The following AFF3 variants were observed in gnomAD, a reference collection of about 807,000 sequenced individuals.
AFF3 encodes the protein ALF transcription elongation factor 3, also known as AF4/FMR2 family member 3.
In AFF3, 32 loss-of-function variants were observed where a neutral mutation model predicts 129.7. The observed-to-expected ratio is 0.25, with a 90% CI of 0.19 to 0.33. The LOEUF is 0.33. AFF3 is among the 10% of genes least tolerant of loss of function. The pLI is 1.00. For missense variants in AFF3, 1,373 were observed against 1,592.0 expected, an observed-to-expected ratio of 0.86 and a Z score of 2.34; for synonymous variants, 644 against 635.4, an observed-to-expected ratio of 1.01 and a Z score of -0.20.
chr2:100,026,300 C>CTCAA (rs1684036213), intron 4 of AFF3, among the ~76,000 whole-genome samples: 1 of 152,072 alleles, frequency 6.6e-6, no homozygotes, highest in Non-Finnish European at 1.5e-5. Context: ...TGAAAAAATG[C>CTCAA]TCAACATCAC....
At chr2:99,647,220 G>A (rs1259095053) in intron 13 of AFF3, among the ~76,000 whole-genome samples, 6 of 152,160 alleles carry the variant, frequency 3.9e-5, no homozygotes, top group Non-Finnish European at 8.8e-5. Context: ...CTGCAGCACT[G>A]TTCACAGTAG....
At chr2:100,036,211 A>G (rs1684897083) in intron 4 of AFF3, among the ~76,000 whole-genome samples, 1 of 146,842 alleles carries the variant, frequency 6.8e-6, no homozygotes, top group African/African-American at 2.5e-5. Flanking sequence ...GAATTTCCCC[A>G]CTAACACAAT....
chr2:99,635,038 C>G (rs1235426552), intron 13 of AFF3, among the ~76,000 whole-genome samples: 1 of 150,326 alleles, frequency 6.7e-6, no homozygotes, highest in South Asian at 2.1e-4. Flanking sequence ...TGATATATAT[C>G]TCTATGTACG....
chr2:99,834,249 T>A (rs536487396), intron 8 of AFF3, among the ~76,000 whole-genome samples: 2 of 152,316 alleles, frequency 1.3e-5, no homozygotes, highest in South Asian at 4.1e-4. Context: ...TTCATTAGAA[T>A]CCCAGCTCTA....
At chr2:99,917,497 G>C (rs1159534975) in intron 7 of AFF3, among the ~76,000 whole-genome samples, 1 of 152,168 alleles carries the variant, frequency 6.6e-6, no homozygotes, top group Non-Finnish European at 1.5e-5. Flanking sequence ...TTCTGCCCTT[G>C]CTTCCTGTGT....
intron 4 of AFF3, among the ~76,000 whole-genome samples, chr2:100,083,198 C>G (rs1689155578): frequency 6.6e-6 from 1 of 152,260 alleles, no homozygotes; most frequent in South Asian, 2.1e-4. Context: ...TTATTTTAAG[C>G]AAAGAACAAC....
intron 24 of AFF3, among the ~76,000 whole-genome samples, chr2:99,552,368 C>T (rs537961174): frequency 6.6e-6 from 1 of 152,240 alleles, no homozygotes; most frequent in African/African-American, 2.4e-5. Flanking sequence ...CCAGCCTGGG[C>T]CACAGAGCAA....
chr2:99,732,347 CAAAAA>C (rs35379808), intron 10 of AFF3, among the ~76,000 whole-genome samples: 5 of 74,890 alleles, frequency 6.7e-5, no homozygotes, highest in African/African-American at 2.0e-4. Context: ...GACTCTGTCT[CAAAAA>C]AAAAAAAAAA....
intron 4 of AFF3, among the ~76,000 whole-genome samples, chr2:100,071,725 G>A (rs577050444): frequency 7.2e-4 from 110 of 152,232 alleles, no homozygotes; most frequent in African/African-American, 2.5e-3. Flanking sequence ...GAGCAAAACC[G>A]TAAATACCAA....
chr2:100,075,561 T>C (rs1193287193), intron 4 of AFF3, among the ~76,000 whole-genome samples: 2 of 152,100 alleles, frequency 1.3e-5, no homozygotes, highest in East Asian at 3.9e-4. Flanking sequence ...TTATATTTCC[T>C]AGAAACTGTC....
chr2:100,040,069 A>G (rs931393042), intron 4 of AFF3, among the ~76,000 whole-genome samples: 2 of 152,222 alleles, frequency 1.3e-5, no homozygotes, highest in African/African-American at 4.8e-5. Context: ...TGCAAAACCC[A>G]GTAACAGCAT....
intron 7 of AFF3, among the ~76,000 whole-genome samples, chr2:99,956,224 G>T (rs1255378356): frequency 1.3e-5 from 2 of 151,750 alleles, no homozygotes; most frequent in African/African-American, 4.8e-5. Context: ...ATTAAATTAA[G>T]GAAAGAACCA....
intron 4 of AFF3, among the ~76,000 whole-genome samples, chr2:100,093,177 G>A (rs1185837633): frequency 2.6e-5 from 4 of 151,148 alleles, no homozygotes; most frequent in Admixed American, 2.6e-4. Context: ...TGCAATCATG[G>A]CTCATTGCAG....
intron 7 of AFF3, among the ~76,000 whole-genome samples, chr2:99,929,771 G>A (rs1191147923): frequency 6.6e-6 from 1 of 152,124 alleles, no homozygotes; most frequent in Non-Finnish European, 1.5e-5. Context: ...ACAACCAAAA[G>A]AGCTTTAAAA....
At chr2:99,701,183 A>C (rs1676824710) in intron 11 of AFF3, among the ~76,000 whole-genome samples, 3 of 152,182 alleles carry the variant, frequency 2.0e-5, no homozygotes, top group Non-Finnish European at 4.4e-5. Flanking sequence ...AGGTGGCGGC[A>C]GGATAGACTG....
chr2:100,110,326 T>C (rs1428104929), intron 2 of AFF3: 2 of 152,198 alleles, frequency 1.3e-5, no homozygotes, highest in Non-Finnish European at 2.9e-5. Flanking sequence ...ACAGGAGTGC[T>C]GTGCTATCTG....
rs780402666 is a variant in AFF3 at position 99,593,306 on chromosome 2, C to A, written c.2355G>T (p.Glu785Asp). Reference sequence around the variant, plus strand: ...TGGCAGGGGCGCTCAATACCCCTGGCTCCTGGGGCAGGTGTTCTGGGATCC... The same window carrying A: ...TGGCAGGGGCGCTCAATACCCCTGGATCCTGGGGCAGGTGTTCTGGGATCC... ...LSRIPEHLPQEPGVLSAPATK... is the reference protein window; with the variant it reads ...LSRIPEHLPQDPGVLSAPATK... The change falls in exon 15 of 25, where the codon GAG (glutamate) becomes GAT (aspartate). Residue 785 changes from glutamate (E) to aspartate (D), a missense_variant. Around this residue, in one of 9 missense-constraint regions of AFF3, gnomAD observed 466 missense variants for 505.0 expected, o/e 0.92. Transcript: ENST00000672756. 5 of 1,614,006 alleles carry A rather than the reference C, an allele frequency of 3.1e-6. No homozygotes were observed. The African/African-American group carries it at 4.0e-5, about 13-fold the overall frequency.
intron 7 of AFF3, among the ~76,000 whole-genome samples, chr2:99,842,370 TAA>T (rs1689380411): frequency 6.6e-6 from 1 of 152,186 alleles, no homozygotes; most frequent in African/African-American, 2.4e-5. Flanking sequence ...TTTTTCACAA[TAA>T]AGTTATTGCT....
chr2:99,901,512 C>T (rs907900191), intron 7 of AFF3, among the ~76,000 whole-genome samples: 7 of 152,216 alleles, frequency 4.6e-5, no homozygotes, highest in African/African-American at 1.7e-4. Flanking sequence ...CAACCTGCTA[C>T]TCTTCAGGTG....
Sources: gnomAD v4.1 joint callset for allele counts (sites outside exome capture counted in the v4.1 genomes callset) on GRCh38, gnomAD v4.1.1 for gene constraint, gnomAD v4.1.1 regional missense constraint, MANE v1.5 for transcripts, NCBI Gene and HGNC (gene_info 2026-07-23, HGNC 2026-07-21) for gene names.